CREB5: variants seen among roughly 807,000 people sequenced by gnomAD.
The protein encoded by CREB5 is cAMP responsive element binding protein 5, also known as cyclic AMP-responsive element-binding protein 5.
Under a neutral mutation model 57.1 loss-of-function variants are expected in CREB5, and 19 were observed. The ratio of observed to expected loss-of-function variants is 0.33; its 90% CI spans 0.23 to 0.49. The LOEUF (loss-of-function observed/expected upper bound fraction) is 0.49, where lower values mean the gene tolerates loss of function less well. Ranked by LOEUF, CREB5 falls within the 20% of genes least tolerant of loss-of-function variation. CREB5 has a pLI of 0.99. For missense variants in CREB5, 579 were observed against 671.6 expected, an observed-to-expected ratio of 0.86 and a Z score of 1.52; for synonymous variants, 238 against 238.3, an observed-to-expected ratio of 1.00 and a Z score of 0.01.
intron 7 of CREB5, among the ~76,000 whole-genome samples, chr7:28,727,411 C>G (rs1037130240): frequency 7.9e-5 from 12 of 152,042 alleles, no homozygotes; most frequent in African/African-American, 4.8e-5. Context: ...AAGAAATTCA[C>G]TGATAGATAC....
chr7:28,509,876 A>G (rs1392593158), intron 4 of CREB5, among the ~76,000 whole-genome samples: 1 of 152,182 alleles, frequency 6.6e-6, no homozygotes, highest in African/African-American at 2.4e-5. Context: ...CCGCCGTCTC[A>G]TGCCTCAGCC....
At chr7:28,724,180 T>A in intron 6 of CREB5, 42 bp from the exon 7 acceptor site, 1 of 1,552,186 alleles carries the variant, frequency 6.4e-7, no homozygotes, top group African/African-American at 1.4e-5. Flanking sequence ...TGACCTAGAC[T>A]GCCTTTGCAG....
Position 28,718,894 on chromosome 7 carries a change from G to T in CREB5, c.591+15G>T. The T allele has an allele frequency of 6.2e-7, 1 of 1,613,918 alleles. No homozygotes were observed. The highest frequency in any genetic ancestry group is 8.5e-7 in the Non-Finnish European group (1 of 1,179,866). On this transcript the variant is annotated intron_variant, in intron 6 of 10. Coordinates refer to ENST00000357727, the MANE Select transcript of CREB5 (RefSeq NM_182898.4). Reference sequence around the variant, plus strand: ...TCTTGATGCCAGTAAGTGTTTCTGTGTGTCTCACAATAGCTTGTCACTTGC... The same window carrying T: ...TCTTGATGCCAGTAAGTGTTTCTGTTTGTCTCACAATAGCTTGTCACTTGC...
intron 1 of CREB5, among the ~76,000 whole-genome samples, chr7:28,337,018 T>C (rs2127987996): frequency 6.6e-6 from 1 of 152,182 alleles, no homozygotes; most frequent in East Asian, 1.9e-4. Context: ...ATTCCTCCTG[T>C]GATTGATTTC....
At chr7:28,794,127 A>G (rs1197212690) in intron 7 of CREB5, among the ~76,000 whole-genome samples, 2 of 152,224 alleles carry the variant, frequency 1.3e-5, no homozygotes, top group Non-Finnish European at 2.9e-5. Context: ...TTTCTAACAT[A>G]TGTTACTGCC....
chr7:28,384,983 T>C lies in CREB5; in HGVS notation c.-25+85542T>C, dbSNP rs181496011. On this transcript the variant is annotated intron_variant, in intron 1 of 9. Transcript: ENST00000396299. ...CTTCAACATACCAAATCAGTGTTTATATAATTAGTTCTCTCTTTAAAAAAA... is the reference window on the plus strand; with the variant it reads ...CTTCAACATACCAAATCAGTGTTTACATAATTAGTTCTCTCTTTAAAAAAA... Among the ~76,000 whole-genome samples the C allele has an allele frequency of 9.1e-4, 138 of 152,328 alleles. 1 individual carries two copies. Among genetic ancestry groups the C allele is most frequent in the African/African-American group, 3.2e-3 (133 of 41,572 alleles).
chr7:28,611,923 G>T (rs1043907911), intron 5 of CREB5, among the ~76,000 whole-genome samples: 1 of 151,988 alleles, frequency 6.6e-6, no homozygotes, highest in Non-Finnish European at 1.5e-5. Flanking sequence ...CCTCCCTAAA[G>T]CAACAAAGAA....
intron 4 of CREB5, among the ~76,000 whole-genome samples, chr7:28,556,358 GT>G (rs1341941804): frequency 6.6e-6 from 1 of 152,138 alleles, no homozygotes; most frequent in Non-Finnish European, 1.5e-5. Flanking sequence ...GTGTAACTGG[GT>G]TCAGAGGAGC....
In CREB5 at chr7:28,332,773, C is replaced by G. The variant is rs149812489; in HGVS notation, c.-25+33332C>G. On this transcript the variant is annotated intron_variant, in intron 1 of 9. Transcript: ENST00000396299. Reference sequence around the variant, plus strand: ...TCACTAACTAACTTATCATGGGCATCTCTCCATGTGAATAAATGTAGCTAT... The same window carrying G: ...TCACTAACTAACTTATCATGGGCATGTCTCCATGTGAATAAATGTAGCTAT... 7.2e-3 allele frequency among the ~76,000 whole-genome samples: 1,102 copies of G among 152,296 alleles called. 13 individuals carry two copies. The highest frequency in any genetic ancestry group is 0.026 in the African/African-American group (1,066 of 41,554).
chr7:28,630,137 T>A (rs1798149873), intron 5 of CREB5, among the ~76,000 whole-genome samples: 1 of 152,190 alleles, frequency 6.6e-6, no homozygotes, highest in Non-Finnish European at 1.5e-5. Flanking sequence ...GGGTACTACT[T>A]CTATGGAGCC....
Position 28,380,135 on chromosome 7 carries a change from C to A in CREB5, c.-25+80694C>A, listed in dbSNP as rs549313342. On this transcript the variant is annotated intron_variant, in intron 1 of 9. Transcript: ENST00000396299. ...ACTACTGCTGTAGGCTTTCTTCCTC[C>A]TTGGAAGAAGCTTATCTGTCAAATG... Among the ~76,000 whole-genome samples, 9 of 152,292 alleles carry A rather than the reference C, an allele frequency of 5.9e-5. No homozygotes were observed. The East Asian group carries it at 1.7e-3, about 29-fold the overall frequency.
At chr7:28,453,912 C>T (rs546917353) in intron 1 of CREB5, among the ~76,000 whole-genome samples, 114 of 149,712 alleles carry the variant, frequency 7.6e-4, no homozygotes, top group Admixed American at 8.6e-4. Flanking sequence ...CTGGAAGAGG[C>T]TCTGGTCCAA....
intron 1 of CREB5, among the ~76,000 whole-genome samples, chr7:28,345,735 G>A (rs1196657872): frequency 6.6e-6 from 1 of 152,176 alleles, no homozygotes; most frequent in Non-Finnish European, 1.5e-5. Context: ...AGGATGGTGG[G>A]AGCTGCTGAT....
chr7:28,471,978 C>T (rs1790834691), intron 1 of CREB5, among the ~76,000 whole-genome samples: 1 of 151,998 alleles, frequency 6.6e-6, no homozygotes, highest in Admixed American at 6.6e-5. Flanking sequence ...GACCAACCTT[C>T]AATGGATAAA....
rs147301002 is a variant in CREB5, at chr7:28,355,714, C to G, written c.-25+56273C>G. ...ACATGTCATCTGAGGTCTGCCATCA[C>G]CTGACAGGATAAAGCTAATCCGAAT... On this transcript the variant is annotated intron_variant, in intron 1 of 9. Transcript: ENST00000396299. Among the ~76,000 whole-genome samples, 435 of 152,300 alleles carry G rather than the reference C, an allele frequency of 2.9e-3. 5 individuals are homozygous for G. The highest frequency in any genetic ancestry group is 9.8e-3 in the African/African-American group (407 of 41,564).
intron 1 of CREB5, among the ~76,000 whole-genome samples, chr7:28,307,390 G>A (rs1785209411): frequency 6.6e-6 from 1 of 152,218 alleles, no homozygotes; most frequent in Non-Finnish European, 1.5e-5. Flanking sequence ...AGGACCCAGT[G>A]TTCATCCCTT....
chr7:28,517,064 A>G (rs1792994031), intron 4 of CREB5, among the ~76,000 whole-genome samples: 1 of 152,208 alleles, frequency 6.6e-6, no homozygotes, highest in Admixed American at 6.5e-5. Flanking sequence ...ATTAAAAGTA[A>G]ATGACTAAAA....
intron 1 of CREB5, among the ~76,000 whole-genome samples, chr7:28,358,054 T>C (rs1223369932): frequency 1.3e-5 from 2 of 152,184 alleles, no homozygotes; most frequent in Non-Finnish European, 2.9e-5. Context: ...TAGCCTTCAC[T>C]AAGCACCTAC....
At chr7:28,750,176 C>A (rs1175385110) in intron 7 of CREB5, among the ~76,000 whole-genome samples, 1 of 152,000 alleles carries the variant, frequency 6.6e-6, no homozygotes, top group African/African-American at 2.4e-5. Flanking sequence ...AGTGATACAA[C>A]AAATACCTAT....
Sources: allele counts gnomAD v4.1 joint callset (sites outside exome capture counted in the v4.1 genomes callset), GRCh38; gene constraint gnomAD v4.1.1; transcripts MANE v1.5; gene names NCBI Gene and HGNC (gene_info 2026-07-23, HGNC 2026-07-21).